BRIP1: variants seen among roughly 807,000 people sequenced by gnomAD.
BRIP1 encodes the protein Fanconi anemia group J protein.
A neutral mutation model predicts 119.7 loss-of-function variants in BRIP1; 88 were observed. The observed-to-expected ratio is 0.74, with a 90% CI of 0.62 to 0.88. BRIP1 has a LOEUF of 0.88. Ranked by LOEUF, BRIP1 falls within the 40% of genes least tolerant of loss-of-function variation. The pLI is 0.00. For synonymous variants in BRIP1, 443 were observed against 496.5 expected, an observed-to-expected ratio of 0.89 and a Z score of 1.43; for missense variants, 1,259 against 1,455.4, an observed-to-expected ratio of 0.87 and a Z score of 2.20.
chr17:61,861,322 T>A lies in BRIP1; in HGVS notation c.93+125A>T. ...TAGTTTCCCAGAGGTTAGATATTCT[T>A]CCAAGTGAACCCAGAAAATATTCTC... On this transcript the variant is annotated intron_variant, in intron 2 of 19. Coordinates refer to ENST00000259008, the MANE Select transcript of BRIP1 (RefSeq NM_032043.3). The surrounding 1 kb of genome is among the most constrained non-coding windows in gnomAD (Gnocchi z 4.5). The A allele has an allele frequency of 1.4e-6, 1 of 736,106 alleles. No homozygotes were observed. Among genetic ancestry groups the A allele is most frequent in the Non-Finnish European group, 2.4e-6 (1 of 417,042 alleles). 45.6% of individuals were successfully genotyped at this position (736,106 alleles called of 1,614,324 possible). A position where few individuals can be genotyped will look rare whatever the true frequency, so the allele number is the denominator to read the frequency against.
chr17:61,714,797 C>T (rs945564276), intron 17 of BRIP1, among the ~76,000 whole-genome samples: 24 of 140,198 alleles, frequency 1.7e-4, no homozygotes, highest in African/African-American at 6.4e-4. Flanking sequence ...CAATGATTTG[C>T]TAATTTTTTT....
intron 6 of BRIP1, among the ~76,000 whole-genome samples, chr17:61,821,713 CT>C: frequency 6.6e-6 from 1 of 151,488 alleles, no homozygotes; most frequent in Non-Finnish European, 1.5e-5. Context: ...CATTTTTTGT[CT>C]TTTTAAAATT....
Position 61,844,274 on chromosome 17 carries a change from C to G in BRIP1, c.627+2827G>C, listed in dbSNP as rs1300490960. Among the ~76,000 whole-genome samples, 1 of 152,066 alleles carries G rather than the reference C, an allele frequency of 6.6e-6. No homozygotes were observed. Among genetic ancestry groups the G allele is most frequent in the Non-Finnish European group, 1.5e-5 (1 of 68,006 alleles). ...AGATCAGGCAGTATGTGTCCAAAGT[C>G]CATTCTCTTAACCAATAAAAACAAA... On this transcript the variant is annotated intron_variant, in intron 6 of 19. Transcript: ENST00000259008. The surrounding 1 kb of genome is among the most constrained non-coding windows in gnomAD (Gnocchi z 4.7).
intron 14 of BRIP1, among the ~76,000 whole-genome samples, chr17:61,771,898 G>A (rs921175667): frequency 6.6e-6 from 1 of 151,930 alleles, no homozygotes; most frequent in Non-Finnish European, 1.5e-5. Context: ...GAAAGCGGAG[G>A]TTGCAATGAG....
intron 11 of BRIP1, 73 bp downstream of exon 11, chr17:61,784,197 G>T: frequency 7.4e-7 from 1 of 1,348,448 alleles, no homozygotes; most frequent in Non-Finnish European, 1.1e-6. Flanking sequence ...AAATAGGTAT[G>T]TATTAAACAC....
chr17:61,812,708 T>C (rs548704387), intron 6 of BRIP1, among the ~76,000 whole-genome samples: 13 of 152,278 alleles, frequency 8.5e-5, no homozygotes, highest in South Asian at 4.1e-4. Context: ...TTATCAAAAC[T>C]GTTCTTAGAA....
In BRIP1 at chr17:61,710,265, G is replaced by A. The variant is rs181206777; in HGVS notation, c.2492+5686C>T. Among the ~76,000 whole-genome samples, 11 of 152,180 alleles carry A rather than the reference G, an allele frequency of 7.2e-5. No individual in the cohort carries two copies. The highest frequency in any genetic ancestry group is 2.4e-4 in the African/African-American group (10 of 41,520). ...GAAAGCATGTTTTGAAGCTCTAAAA[G>A]CTCTCTGGGCAATGTTGTATGGCAG... On this transcript the variant is annotated intron_variant, in intron 17 of 19. Transcript: ENST00000259008. This position sits in a 1 kb window ranked among gnomAD's most constrained non-coding sequence, Gnocchi z 5.4.
At chr17:61,747,140 G>GA (rs1400400903) in intron 14 of BRIP1, among the ~76,000 whole-genome samples, 10 of 151,258 alleles carry the variant, frequency 6.6e-5, no homozygotes, top group South Asian at 2.1e-4. Flanking sequence ...GAGACCAGTG[G>GA]AAAAAAAACC....
In BRIP1 at chr17:61,852,709, C is replaced by T. The variant is rs2078840044; in HGVS notation, c.380-3453G>A. 6.6e-6 allele frequency among the ~76,000 whole-genome samples: 1 copy of T among 152,004 alleles called. No homozygotes were observed. The highest frequency in any genetic ancestry group is 2.4e-5 in the African/African-American group (1 of 41,404). Reference sequence around the variant, plus strand: ...AAAAATGGCAAACAACTTGATTAGGCAATTCACTAAAGAGGGTATCCAAAT... The same window carrying T: ...AAAAATGGCAAACAACTTGATTAGGTAATTCACTAAAGAGGGTATCCAAAT... On this transcript the variant is annotated intron_variant, in intron 4 of 19. Coordinates refer to ENST00000259008, the MANE Select transcript of BRIP1 (RefSeq NM_032043.3). This position sits in a 1 kb window ranked among gnomAD's most constrained non-coding sequence, Gnocchi z 4.9.
intron 13 of BRIP1, among the ~76,000 whole-genome samples, chr17:61,779,284 A>G (rs11871753): frequency 0.75 from 114,305 of 152,134 alleles, 43,345 homozygotes; most frequent in East Asian, 0.82. Context: ...AGAAGCATAA[A>G]TAATTATACA....
At position 61,740,614 on chromosome 17, in the gene BRIP1, A is replaced by C. The variant is rs2076973319; in HGVS notation, c.2379+2399T>G. Among the ~76,000 whole-genome samples, 1 of 152,182 alleles carries C rather than the reference A, an allele frequency of 6.6e-6. No individual in the cohort carries two copies. The highest frequency in any genetic ancestry group is 1.5e-5 in the Non-Finnish European group (1 of 68,036). ...TGCAAGTTTGGTTCCAGACCACCCC[A>C]ATAAGGAGAATATCATAACAAAGTA... is the stretch of plus-strand genomic sequence containing the variant. On this transcript the variant is annotated intron_variant, in intron 16 of 19. Transcript: ENST00000259008. The surrounding 1 kb of genome is among the most constrained non-coding windows in gnomAD (Gnocchi z 5.4).
chr17:61,783,552 T>C (rs1180466210), intron 11 of BRIP1, among the ~76,000 whole-genome samples: 1 of 152,026 alleles, frequency 6.6e-6, no homozygotes, highest in Admixed American at 6.6e-5. Flanking sequence ...TAAAATGGTG[T>C]ATTTTATGTA....
At chr17:61,782,507 T>G (rs962816729) in intron 11 of BRIP1, among the ~76,000 whole-genome samples, 2 of 151,194 alleles carry the variant, frequency 1.3e-5, no homozygotes, top group African/African-American at 4.9e-5. Context: ...GAAAGATAAA[T>G]TGGACTTCAA....
In BRIP1 at chr17:61,683,458, A is replaced by G. The variant is rs1555572517; in HGVS notation, c.3588T>C (p.Asn1196=). The G allele has an allele frequency of 1.2e-6, 2 of 1,613,600 alleles. No individual in the cohort carries two copies. Among genetic ancestry groups the G allele is most frequent in the Middle Eastern group, 1.7e-4 (1 of 6,058 alleles). ...KAEDCIDTKL[N]GILHIEESKI... Reference sequence around the variant, plus strand: ...TACTTTCTTCAATATGCAGAATTCCATTCAACTTTGTATCTATGCAATCCT... The same window carrying G: ...TACTTTCTTCAATATGCAGAATTCCGTTCAACTTTGTATCTATGCAATCCT... Residue 1196 remains asparagine, a synonymous_variant, in exon 20 of 20, where the codon AAT becomes AAC. Transcript: ENST00000259008. This position sits in a 1 kb window ranked among gnomAD's most constrained non-coding sequence, Gnocchi z 4.7.
rs1603360459 is a variant in BRIP1 at position 61,845,303 on chromosome 17, G to C, written c.627+1798C>G. Among the ~76,000 whole-genome samples the C allele has an allele frequency of 6.6e-6, 1 of 152,130 alleles. No individual in the cohort carries two copies. Among genetic ancestry groups the C allele is most frequent in the African/African-American group, 2.4e-5 (1 of 41,428 alleles). On this transcript the variant is annotated intron_variant, in intron 6 of 19. Coordinates refer to ENST00000259008, the MANE Select transcript of BRIP1 (RefSeq NM_032043.3). This position sits in a 1 kb window ranked among gnomAD's most constrained non-coding sequence, Gnocchi z 4.2. ...AATCTGTGGTTGCCTGGGAATGGGG[G>C]GACAGGGCAGAAAAAAGGTCCATCA...
At chr17:61,715,825 C>A in intron 17 of BRIP1, 126 bp downstream of exon 17, 1 of 587,402 alleles carries the variant, frequency 1.7e-6, no homozygotes, top group South Asian at 2.6e-5. Flanking sequence ...TGAATACATA[C>A]CAGTTCCTAT....
chr17:61,789,262 GTC>G lies in BRIP1; in HGVS notation c.1473+4333_1473+4334del, dbSNP rs1176740719. Among the ~76,000 whole-genome samples, 1 of 150,336 alleles carries G rather than the reference GTC, an allele frequency of 6.7e-6. No individual in the cohort carries two copies. Among genetic ancestry groups the G allele is most frequent in the Non-Finnish European group, 1.5e-5 (1 of 67,804 alleles). ...ATTCCGGGCAACACAGCAAGACTCT[GTC>G]TCTTAAAAACAAAAAAAAAAAGTTA... On this transcript the variant is annotated intron_variant, in intron 10 of 19. Transcript: ENST00000259008. The surrounding 1 kb of genome is among the most constrained non-coding windows in gnomAD (Gnocchi z 4.8).
At position 61,693,291 on chromosome 17, in the gene BRIP1, G is replaced by A. The variant is rs1392635698; in HGVS notation, c.2575+139C>T. On this transcript the variant is annotated intron_variant, in intron 18 of 19. Transcript: ENST00000259008. This position sits in a 1 kb window ranked among gnomAD's most constrained non-coding sequence, Gnocchi z 4.2. ...GATTTAAAAGTTCTAGATATCTGCT[G>A]TGAAATACTGTGCTTATAGTTAACA... 2 of 795,428 alleles carry A rather than the reference G, an allele frequency of 2.5e-6. No individual in the cohort carries two copies. Among genetic ancestry groups the A allele is most frequent in the South Asian group, 3.1e-5 (2 of 63,976 alleles). 49.3% of individuals were successfully genotyped at this position (795,428 alleles called of 1,614,324 possible).
At chr17:61,688,725 A>C (rs998514344) in intron 18 of BRIP1, among the ~76,000 whole-genome samples, 3 of 151,874 alleles carry the variant, frequency 2.0e-5, no homozygotes, top group Non-Finnish European at 4.4e-5. Flanking sequence ...CTGTCAAAGG[A>C]ACAAAATAAG....
Sources: gnomAD v4.1 joint callset for allele counts (sites outside exome capture counted in the v4.1 genomes callset) on GRCh38, gnomAD v4.1.1 for gene constraint, Gnocchi (gnomAD v3.1) non-coding constraint, MANE v1.5 for transcripts, NCBI Gene and HGNC (gene_info 2026-07-23, HGNC 2026-07-21) for gene names.